The following SPECC1 variants were observed in gnomAD, a reference collection of about 807,000 sequenced individuals.
SPECC1 encodes sperm antigen with calponin homology and coiled-coil domains 1.
SPECC1 carries 62 observed loss-of-function variants against 104.1 expected under a neutral mutation model. That is an observed-to-expected ratio of 0.60 (90% CI 0.49 to 0.74). SPECC1 has a LOEUF of 0.74. Ranked by LOEUF, SPECC1 falls within the 30% of genes least tolerant of loss-of-function variation. SPECC1 has a pLI of 0.00. For missense variants in SPECC1, 1,306 were observed against 1,310.5 expected (o/e 1.00, Z 0.05); for synonymous variants, 513 against 501.6 (o/e 1.02, Z -0.30).
chr17:20,042,877 C>G (rs979343619), intron 1 of SPECC1, among the ~76,000 whole-genome samples: 4 of 152,152 alleles, frequency 2.6e-5, no homozygotes, highest in African/African-American at 9.7e-5. Context: ...AGTCTGCCTC[C>G]TCTTCCCCTT....
At chr17:20,040,751 C>T (rs1310064489) in intron 1 of SPECC1, among the ~76,000 whole-genome samples, 1 of 152,112 alleles carries the variant, frequency 6.6e-6, no homozygotes, top group Admixed American at 6.6e-5. Context: ...AAGACGTTTT[C>T]TCTTTTCGTC....
At chr17:20,312,815 C>T (rs1394676248) in intron 14 of SPECC1, among the ~76,000 whole-genome samples, 1 of 152,192 alleles carries the variant, frequency 6.6e-6, no homozygotes, top group African/African-American at 2.4e-5. Flanking sequence ...TAATGATAGG[C>T]TGATAATTTT....
chr17:20,075,025 C>G (rs2046702831), intron 1 of SPECC1, among the ~76,000 whole-genome samples: 1 of 152,086 alleles, frequency 6.6e-6, no homozygotes, highest in Admixed American at 6.5e-5. Flanking sequence ...GTCATAGCCT[C>G]CCGAGTAGCT....
intron 2 of SPECC1, among the ~76,000 whole-genome samples, chr17:20,105,826 A>G (rs1313709185): frequency 2.0e-5 from 3 of 152,008 alleles, no homozygotes; most frequent in Non-Finnish European, 4.4e-5. Flanking sequence ...CCCCTTATGG[A>G]AGGGGGCAGG....
chr17:20,022,806 C>G (rs1452546345), intron 1 of SPECC1, among the ~76,000 whole-genome samples: 1 of 152,160 alleles, frequency 6.6e-6, no homozygotes, highest in African/African-American at 2.4e-5. Flanking sequence ...GATAAACAAG[C>G]ATGGTGATGA....
intron 12 of SPECC1, among the ~76,000 whole-genome samples, chr17:20,271,773 TC>T (rs1327929098): frequency 6.6e-6 from 1 of 151,760 alleles, no homozygotes; most frequent in Non-Finnish European, 1.5e-5. Flanking sequence ...TGTTTTTTTT[TC>T]CCTTTGTTTT....
At position 20,291,628 on chromosome 17, in the gene SPECC1, T is replaced by G. The variant is rs141045404; in HGVS notation, c.2941-5333T>G. 6.6e-4 allele frequency among the ~76,000 whole-genome samples: 101 copies of G among 152,132 alleles called. 1 individual carries two copies. The highest frequency in any genetic ancestry group is 2.4e-3 in the African/African-American group (98 of 41,492). ...GGCATGATCTTGGCTCACTGCAAGC[T>G]CCGCATCCTGGGCTCAAACGATCTT... On this transcript the variant is annotated intron_variant, in intron 12 of 14. Transcript: ENST00000395527.
rs1326352777 is a variant in SPECC1 at position 20,096,627 on chromosome 17, G to A, written c.-21-4G>A. On this transcript the variant is annotated splice_polypyrimidine_tract_variant and splice_region_variant and intron_variant, in intron 1 of 14. Transcript: ENST00000395527. ...ACATGTTTTTCTTTTCTGCTCTTTT[G>A]CAGGACAGACCCACGAAGTCAAGCA... The A allele has an allele frequency of 1.3e-6, 2 of 1,594,758 alleles. No individual in the cohort carries two copies. Among genetic ancestry groups the A allele is most frequent in the Non-Finnish European group, 1.7e-6 (2 of 1,168,844 alleles).
chr17:20,134,807 C>T (rs1427743274), intron 3 of SPECC1, among the ~76,000 whole-genome samples: 1 of 152,116 alleles, frequency 6.6e-6, no homozygotes, highest in East Asian at 1.9e-4. Context: ...CTGCAGGTAA[C>T]TTGGTCAGGT....
At chr17:20,119,788 G>T (rs191575019) in intron 3 of SPECC1, among the ~76,000 whole-genome samples, 1 of 152,142 alleles carries the variant, frequency 6.6e-6, no homozygotes, top group African/African-American at 2.4e-5. Context: ...TTTTACATGC[G>T]TGAAAACGAG....
intron 1 of SPECC1, among the ~76,000 whole-genome samples, chr17:20,096,330 C>A (rs1007838359): frequency 7.2e-5 from 11 of 152,144 alleles, no homozygotes; most frequent in Admixed American, 1.3e-4. Flanking sequence ...GATACAGATA[C>A]ATAGTGTATG....
intron 1 of SPECC1, among the ~76,000 whole-genome samples, chr17:20,079,527 T>C (rs1047513591): frequency 1.4e-5 from 2 of 143,474 alleles, no homozygotes; most frequent in African/African-American, 5.0e-5. Context: ...TGGGTTCAAG[T>C]GATCCTCCCA....
At chr17:20,164,244 G>A (rs1417889569) in intron 3 of SPECC1, among the ~76,000 whole-genome samples, 1 of 151,242 alleles carries the variant, frequency 6.6e-6, no homozygotes, top group African/African-American at 2.4e-5. Context: ...TGCGATGCTG[G>A]CCCACTGCAG....
chr17:20,048,538 A>G (rs2045626602), intron 1 of SPECC1, among the ~76,000 whole-genome samples: 1 of 151,976 alleles, frequency 6.6e-6, no homozygotes, highest in Non-Finnish European at 1.5e-5. Flanking sequence ...GCCCTTCTCT[A>G]CTTTCATTAT....
At position 20,260,306 on chromosome 17, in the gene SPECC1, C is replaced by T. The variant is rs374513200; in HGVS notation, c.2940+12C>T. ...CACAAGGTTATGCGGTAAGGGACAA[C>T]ATCAGCCAACTTCCAGCTGCCCCTG... On this transcript the variant is annotated intron_variant, in intron 12 of 14. Coordinates refer to ENST00000395527, the MANE Select transcript of SPECC1 (RefSeq NM_001243439.2). 3 of 1,611,226 alleles carry T rather than the reference C, an allele frequency of 1.9e-6. No homozygotes were observed. The highest frequency in any genetic ancestry group is 2.5e-6 in the Non-Finnish European group (3 of 1,177,876).
At chr17:20,197,789 G>A (rs977773957) in intron 3 of SPECC1, among the ~76,000 whole-genome samples, 2 of 152,146 alleles carry the variant, frequency 1.3e-5, no homozygotes, top group Non-Finnish European at 2.9e-5. Context: ...TGGGCCTGCA[G>A]GTATTCTAAG....
At chr17:20,083,620 ATCAGTTTATGTATCCACTCACTGTT>A (rs1302556451) in intron 1 of SPECC1, among the ~76,000 whole-genome samples, 19 of 148,046 alleles carry the variant, frequency 1.3e-4, no homozygotes, top group Admixed American at 1.1e-3. Context: ...GTGGGGATGC[ATCAGTTTATGTATCCACTCACTGTT>A]GAGGGAGAGT....
At chr17:20,279,514 G>T (rs2040695599) in intron 12 of SPECC1, among the ~76,000 whole-genome samples, 2 of 151,870 alleles carry the variant, frequency 1.3e-5, no homozygotes, top group Admixed American at 6.6e-5. Flanking sequence ...TAGAGAAAGG[G>T]TTTCTCCATG....
At chr17:20,105,193 G>A (rs984669720) in intron 2 of SPECC1, among the ~76,000 whole-genome samples, 12 of 151,998 alleles carry the variant, frequency 7.9e-5, no homozygotes, top group Admixed American at 4.6e-4. Flanking sequence ...GAACTCCAGC[G>A]ATCCTCCCGC....
Sources: gnomAD v4.1 joint callset for allele counts (sites outside exome capture counted in the v4.1 genomes callset) on GRCh38, gnomAD v4.1.1 for gene constraint, MANE v1.5 for transcripts, NCBI Gene and HGNC (gene_info 2026-07-23, HGNC 2026-07-21) for gene names.